Variants in SASH1 observed in about 807,000 individuals in gnomAD.
SASH1 encodes the protein SAM and SH3 domain-containing protein 1.
SASH1 carries 44 observed loss-of-function variants against 125.2 expected under a neutral mutation model. The ratio of observed to expected loss-of-function variants is 0.35; its 90% CI spans 0.28 to 0.45. The LOEUF (loss-of-function observed/expected upper bound fraction) is 0.45, where lower values mean the gene tolerates loss of function less well. Ranked by LOEUF, SASH1 falls within the 20% of genes least tolerant of loss-of-function variation. The pLI is 1.00. For synonymous variants in SASH1, 639 were observed against 649.1 expected (o/e 0.98, Z 0.24); for missense variants, 1,426 against 1,614.5 (o/e 0.88, Z 2.00).
intron 1 of SASH1, among the ~76,000 whole-genome samples, chr6:148,362,824 G>A (rs1236242273): frequency 2.0e-5 from 3 of 152,028 alleles, no homozygotes; most frequent in South Asian, 2.1e-4. Flanking sequence ...CTCCAGCCCG[G>A]GAAACAGAGC....
At chr6:148,450,824 G>T (rs191942433) in intron 4 of SASH1, among the ~76,000 whole-genome samples, 2 of 151,784 alleles carry the variant, frequency 1.3e-5, no homozygotes, top group South Asian at 4.2e-4. Flanking sequence ...GAATTAAGAT[G>T]CCCTACCTGA....
At chr6:148,333,244 T>A (rs2493912) in intron 1 of SASH1, among the ~76,000 whole-genome samples, 94,268 of 151,300 alleles carry the variant, frequency 0.62, 29,477 homozygotes, top group East Asian at 0.73. Context: ...CTACAAAAAA[T>A]AATAATAATA....
intron 8 of SASH1, among the ~76,000 whole-genome samples, chr6:148,498,304 G>T (rs945830472): frequency 6.6e-6 from 1 of 151,808 alleles, no homozygotes; most frequent in African/African-American, 2.4e-5. Context: ...CCAGCTACTT[G>T]TGGGGCTGAG....
At chr6:148,196,797 G>A in the SASH1 span, among the ~76,000 whole-genome samples, 3 of 152,218 alleles carry the variant, frequency 2.0e-5, 1 homozygote, top group South Asian at 4.1e-4. Context: ...AAGTGGAATA[G>A]CAAGTCTGAA....
At chr6:148,313,854 C>T (rs1780403790) in intron 1 of SASH1, among the ~76,000 whole-genome samples, 1 of 152,116 alleles carries the variant, frequency 6.6e-6, no homozygotes, top group Non-Finnish European at 1.5e-5. Flanking sequence ...CATCAGAGGA[C>T]TTATTTTGCT....
intron 1 of SASH1, among the ~76,000 whole-genome samples, chr6:148,364,733 GT>G (rs1183411661): frequency 6.6e-6 from 1 of 152,140 alleles, no homozygotes; most frequent in East Asian, 1.9e-4. Context: ...ATCCCCAAGG[GT>G]TCTGACCATA....
At chr6:148,456,873 C>CAATAATAATAATAATAATAATAATGAT (rs1777378171) in intron 4 of SASH1, among the ~76,000 whole-genome samples, 1 of 142,302 alleles carries the variant, frequency 7.0e-6, no homozygotes, top group African/African-American at 2.6e-5. Flanking sequence ...TGTCTCATAA[C>CAATAATAATAATAATAATAATAATGAT]AATAATAATA....
At chr6:148,334,220 C>G (rs1349163753) in intron 1 of SASH1, among the ~76,000 whole-genome samples, 4 of 137,020 alleles carry the variant, frequency 2.9e-5, no homozygotes, top group Non-Finnish European at 6.3e-5. Context: ...GTCAGGAGAT[C>G]GAGACCATCC....
Position 148,343,030 on chromosome 6 carries a change from G to A in SASH1, c.-38G>A, listed in dbSNP as rs1781385941. 1.7e-6 allele frequency: 2 copies of A among 1,186,026 alleles called. No homozygotes were observed. The highest frequency in any genetic ancestry group is 7.3e-5 in the East Asian group (2 of 27,228). The allele number at this position is 1,186,026 out of a possible 1,614,324, so 73.5% of individuals were successfully genotyped here. A position where few individuals can be genotyped will look rare whatever the true frequency, so the allele number is the denominator to read the frequency against. On this transcript the variant is annotated 5_prime_UTR_variant, in exon 1 of 20. Coordinates refer to ENST00000367467, the MANE Select transcript of SASH1 (RefSeq NM_015278.5). ...CGCGGGTGCGGGGCGAGGGCGCCGC[G>A]GGGACTGGGACGCACGGCCCGCGCG...
upstream of SASH1, among the ~76,000 whole-genome samples, chr6:148,341,326 T>TG (rs950124483): frequency 6.1e-5 from 9 of 146,876 alleles, no homozygotes; most frequent in African/African-American, 2.3e-4. Context: ...TGTTTTTTTT[T>TG]TTTGTTTTTT....
Position 148,543,983 on chromosome 6 carries a change from A to G in SASH1, c.2513A>G (p.His838Arg), listed in dbSNP as rs1249584822. 1 of 1,613,958 alleles carries G rather than the reference A, an allele frequency of 6.2e-7. No homozygotes were observed. Among genetic ancestry groups the G allele is most frequent in the African/African-American group, 1.3e-5 (1 of 74,886 alleles). ...ACTGTGGACACTTGGCCCCGATCCC[A>G]TTCCCTGGATGACCTTCAAGTGGAG... ...PQTVDTWPRS[H>R]SLDDLQVEPG... The change falls in exon 18 of 20, where the codon CAT becomes CGT. Residue 838 changes from histidine to arginine, a missense_variant. Transcript: ENST00000367467.
Position 148,512,952 on chromosome 6 carries a change from G to C in SASH1, c.730-1372G>C, listed in dbSNP as rs913523174. The C allele has an allele frequency of 6.4e-5, 63 of 985,322 alleles. No homozygotes were observed. In the African/African-American group the frequency reaches 8.2e-4, roughly 13 times the overall value. 61.0% of individuals were successfully genotyped at this position (985,322 alleles called of 1,614,324 possible). On this transcript the variant is annotated intron_variant, in intron 8 of 19. Transcript: ENST00000367467. The stretch of plus-strand genomic sequence containing the variant: ...CCATGGCTCCATGCCTTGAGTTCCA[G>C]GGTGAGGACAGAGGCCAGGACATCA...
the SASH1 span, among the ~76,000 whole-genome samples, chr6:148,243,054 G>A: frequency 5.3e-5 from 8 of 152,234 alleles, no homozygotes; most frequent in Admixed American, 1.3e-4. Context: ...AGTGGCTCCC[G>A]CCTGTAATCC....
At chr6:148,307,094 T>TTCTTTCTTTCCC (rs1240787953) in intron 1 of SASH1, among the ~76,000 whole-genome samples, 1 of 120,694 alleles carries the variant, frequency 8.3e-6, no homozygotes, top group Non-Finnish European at 1.8e-5. Context: ...CTTTCTTTCT[T>TTCTTTCTTTCCC]TCTCTCTCTC....
chr6:148,458,264 CT>C (rs1200239478), intron 4 of SASH1, among the ~76,000 whole-genome samples: 6 of 152,108 alleles, frequency 3.9e-5, no homozygotes, highest in Admixed American at 3.9e-4. Context: ...GGAGTAAATC[CT>C]TTTTGTCATA....
chr6:148,254,973 G>A, the SASH1 span, among the ~76,000 whole-genome samples: 1 of 152,058 alleles, frequency 6.6e-6, no homozygotes. Flanking sequence ...ATTAAATGAT[G>A]AATGGATAAA....
chr6:148,267,365 T>TGTGTGTGTGTGTGTGTGTGTGTGTGTG (rs1778971560), upstream of SASH1, among the ~76,000 whole-genome samples: 1 of 130,014 alleles, frequency 7.7e-6, no homozygotes. Context: ...CAGTACTACT[T>TGTGTGTGTGTGTGTGTGTGTGTGTGTG]TGTGTGTGTG....
At chr6:148,193,947 A>G in the SASH1 span, among the ~76,000 whole-genome samples, 1 of 152,190 alleles carries the variant, frequency 6.6e-6, no homozygotes, top group Non-Finnish European at 1.5e-5. Flanking sequence ...AACATAAATG[A>G]AGCATTTCTT....
intron 9 of SASH1, among the ~76,000 whole-genome samples, chr6:148,517,183 G>T (rs1297055415): frequency 6.6e-6 from 1 of 152,190 alleles, no homozygotes; most frequent in Non-Finnish European, 1.5e-5. Context: ...CTTGCCAGGG[G>T]TATTATGGAA....
Sources: allele counts gnomAD v4.1 joint callset (sites outside exome capture counted in the v4.1 genomes callset), GRCh38; gene constraint gnomAD v4.1.1; transcripts MANE v1.5; gene names NCBI Gene and HGNC (gene_info 2026-07-23, HGNC 2026-07-21).